The following NRG1 variants were observed in gnomAD, a reference collection of about 807,000 sequenced individuals.
The protein encoded by NRG1 is neuregulin 1.
In NRG1, 18 loss-of-function variants were observed where a neutral mutation model predicts 63.8. The observed-to-expected ratio is 0.28, with a 90% CI of 0.19 to 0.42. The LOEUF is 0.42. Ranked by LOEUF, NRG1 falls within the 10% of genes least tolerant of loss-of-function variation. The pLI is 1.00. For synonymous variants in NRG1, 302 were observed against 301.3 expected, an observed-to-expected ratio of 1.00 and a Z score of -0.02; for missense variants, 762 against 814.7, an observed-to-expected ratio of 0.94 and a Z score of 0.79.
intron 1 of NRG1, among the ~76,000 whole-genome samples, chr8:31,718,255 A>T (rs1253285610): frequency 6.6e-6 from 1 of 152,082 alleles, no homozygotes; most frequent in Non-Finnish European, 1.5e-5. Context: ...TGTGTCAATT[A>T]TAGATAAGAA....
chr8:32,573,620 AAGTT>A (rs752006337), intron 1 of NRG1, among the ~76,000 whole-genome samples: 119 of 152,240 alleles, frequency 7.8e-4, no homozygotes, highest in Non-Finnish European at 1.4e-3. Flanking sequence ...GTATTTGGGT[AAGTT>A]TATCAAAGGC....
chr8:32,381,640 A>G (rs1810370068), intron 1 of NRG1, among the ~76,000 whole-genome samples: 1 of 152,224 alleles, frequency 6.6e-6, no homozygotes, highest in East Asian at 1.9e-4. Context: ...TAAGCCTACT[A>G]AACAACAACT....
intron 1 of NRG1, among the ~76,000 whole-genome samples, chr8:32,454,514 A>G (rs2129488296): frequency 6.6e-6 from 1 of 151,894 alleles, no homozygotes; most frequent in East Asian, 1.9e-4. Context: ...AATTTTAGTA[A>G]GAAAAAAAAC....
intron 1 of NRG1, among the ~76,000 whole-genome samples, chr8:32,203,405 C>T (rs1011181599): frequency 2.0e-5 from 3 of 151,252 alleles, no homozygotes; most frequent in African/African-American, 4.9e-5. Flanking sequence ...TCTTTTTAGA[C>T]AGAGCCTCAC....
chr8:31,835,592 T>C (rs1162850200), intron 1 of NRG1, among the ~76,000 whole-genome samples: 1 of 152,166 alleles, frequency 6.6e-6, no homozygotes, highest in Non-Finnish European at 1.5e-5. Flanking sequence ...TTCATTAAAA[T>C]CACCGGGCCT....
intron 1 of NRG1, among the ~76,000 whole-genome samples, chr8:32,363,721 T>A (rs1238650389): frequency 6.6e-6 from 1 of 152,086 alleles, no homozygotes. Context: ...TTTTTTTAAT[T>A]TTTTTTACAT....
chr8:31,936,412 C>T (rs1446317772), intron 1 of NRG1, among the ~76,000 whole-genome samples: 2 of 152,024 alleles, frequency 1.3e-5, no homozygotes, highest in Non-Finnish European at 2.9e-5. Context: ...TTTATATTTC[C>T]TTGTGTAAGC....
chr8:32,749,317 AG>A (rs1203421640), intron 7 of NRG1: 15 of 568,544 alleles, frequency 2.6e-5, no homozygotes, highest in Middle Eastern at 4.6e-4. Flanking sequence ...AGGTCTTTTA[AG>A]GGTTAATAAA....
chr8:32,127,528 C>CGT (rs3084577), intron 1 of NRG1, among the ~76,000 whole-genome samples: 17,776 of 146,276 alleles, frequency 0.12, 1,121 homozygotes, highest in South Asian at 0.22. Flanking sequence ...TGTATCTGCA[C>CGT]GTGTGTGTGT....
chr8:32,283,389 A>C (rs1246248108), intron 1 of NRG1, among the ~76,000 whole-genome samples: 1 of 152,190 alleles, frequency 6.6e-6, no homozygotes, highest in Non-Finnish European at 1.5e-5. Flanking sequence ...TTAGTCTATC[A>C]CACCACTTGT....
At chr8:32,433,860 G>A (rs1205553139) in intron 1 of NRG1, among the ~76,000 whole-genome samples, 1 of 151,976 alleles carries the variant, frequency 6.6e-6, no homozygotes, top group Non-Finnish European at 1.5e-5. Flanking sequence ...AAGGTTTGTG[G>A]CCTTCCCCAT....
chr8:31,879,565 T>G (rs1053641180), intron 1 of NRG1, among the ~76,000 whole-genome samples: 2 of 152,144 alleles, frequency 1.3e-5, no homozygotes, highest in African/African-American at 4.8e-5. Flanking sequence ...ATTCCTTATT[T>G]AAAAAATGTG....
intron 1 of NRG1, among the ~76,000 whole-genome samples, chr8:31,793,139 A>G (rs887138985): frequency 6.6e-6 from 1 of 152,220 alleles, no homozygotes; most frequent in Non-Finnish European, 1.5e-5. Flanking sequence ...GGCCCTTGGC[A>G]ATAACTCAAG....
intron 1 of NRG1, among the ~76,000 whole-genome samples, chr8:31,972,100 A>C (rs1807385943): frequency 6.6e-6 from 1 of 152,008 alleles, no homozygotes; most frequent in Admixed American, 6.5e-5. Context: ...TTCCCACTAG[A>C]GTTTTCAAAT....
At chr8:32,547,467 T>C (rs554908807), upstream of NRG1, among the ~76,000 whole-genome samples, 3 of 152,276 alleles carry the variant, frequency 2.0e-5, no homozygotes, top group Non-Finnish European at 4.4e-5. Context: ...CTCCGAACTA[T>C]GTTTTTTATC....
At chr8:32,054,687 T>C (rs1278543027) in intron 1 of NRG1, among the ~76,000 whole-genome samples, 1 of 152,050 alleles carries the variant, frequency 6.6e-6, no homozygotes, top group Non-Finnish European at 1.5e-5. Context: ...AGTAATTAAC[T>C]GGGTAATGAA....
At chr8:32,619,325 G>A (rs1378777953) in intron 5 of NRG1, among the ~76,000 whole-genome samples, 1 of 152,192 alleles carries the variant, frequency 6.6e-6, no homozygotes, top group East Asian at 1.9e-4. Flanking sequence ...GTGCCGTGTA[G>A]GGGACCATAA....
intron 1 of NRG1, among the ~76,000 whole-genome samples, chr8:32,234,770 T>C (rs543789233): frequency 6.6e-6 from 1 of 152,286 alleles, no homozygotes; most frequent in East Asian, 1.9e-4. Context: ...GTGGTTTTTG[T>C]TCCCAGAGTC....
chr8:32,628,052 G>A (rs1043487629), intron 5 of NRG1, among the ~76,000 whole-genome samples: 4 of 152,132 alleles, frequency 2.6e-5, no homozygotes, highest in Admixed American at 6.5e-5. Context: ...CACAAATAAT[G>A]TAGCTTTGAG....
Sources: allele counts gnomAD v4.1 joint callset (sites outside exome capture counted in the v4.1 genomes callset), GRCh38; gene constraint gnomAD v4.1.1; transcripts MANE v1.5; gene names NCBI Gene and HGNC (gene_info 2026-07-23, HGNC 2026-07-21).